PPP1R21: variants seen among roughly 807,000 people sequenced by gnomAD.
PPP1R21 encodes the protein KLRAQ motif containing 1.
In PPP1R21, 85 loss-of-function variants were observed where a neutral mutation model predicts 112.8. The ratio of observed to expected loss-of-function variants is 0.75; its 90% CI spans 0.63 to 0.90. The LOEUF (loss-of-function observed/expected upper bound fraction) is 0.90, where lower values mean the gene tolerates loss of function less well. PPP1R21 is among the 40% of genes least tolerant of loss of function. The pLI, the probability that PPP1R21 is intolerant of heterozygous loss-of-function variation, is 0.00. For synonymous variants in PPP1R21, 381 were observed against 322.3 expected (o/e 1.18, Z -1.95); for missense variants, 1,199 against 901.5 (o/e 1.33, Z -4.23).
intron 19 of PPP1R21, among the ~76,000 whole-genome samples, chr2:48,509,558 A>C (rs1173221444): frequency 6.6e-6 from 1 of 151,766 alleles, no homozygotes; most frequent in African/African-American, 2.4e-5. Context: ...TACAAAACTT[A>C]GCTGGGTGTG....
chr2:48,488,861 C>T (rs1021713042), intron 14 of PPP1R21, among the ~76,000 whole-genome samples: 1 of 152,000 alleles, frequency 6.6e-6, no homozygotes, highest in Non-Finnish European at 1.5e-5. Context: ...GTAGTATATT[C>T]ATATTAAAGA....
At chr2:48,441,112 C>G (rs886326383) in intron 1 of PPP1R21, 102 bp downstream of exon 1, 2 of 793,484 alleles carry the variant, frequency 2.5e-6, no homozygotes, top group African/African-American at 1.7e-5. Context: ...GAGGGGCACG[C>G]GAGCGCGCCC....
intron 2 of PPP1R21, among the ~76,000 whole-genome samples, chr2:48,452,324 A>G (rs939904579): frequency 6.6e-6 from 1 of 152,148 alleles, no homozygotes; most frequent in Non-Finnish European, 1.5e-5. Context: ...CATACCAGGC[A>G]TTGTGCTAAG....
At chr2:48,475,209 C>T (rs1390915775) in intron 12 of PPP1R21, among the ~76,000 whole-genome samples, 2 of 151,938 alleles carry the variant, frequency 1.3e-5, no homozygotes, top group East Asian at 3.9e-4. Context: ...AAAAATTATC[C>T]AGATGTGGCA....
intron 12 of PPP1R21, among the ~76,000 whole-genome samples, chr2:48,477,791 T>C (rs758249548): frequency 6.6e-6 from 1 of 152,122 alleles, no homozygotes; most frequent in Non-Finnish European, 1.5e-5. Context: ...AGGGATTGCA[T>C]TGAACTTGTA....
intron 13 of PPP1R21, among the ~76,000 whole-genome samples, chr2:48,483,235 C>T (rs1205158496): frequency 9.1e-6 from 1 of 109,388 alleles, no homozygotes; most frequent in African/African-American, 3.5e-5. Flanking sequence ...AAGTCTCACT[C>T]TGTCACCCAG....
At chr2:48,463,462 A>G (rs1310000916) in intron 7 of PPP1R21, among the ~76,000 whole-genome samples, 1 of 152,154 alleles carries the variant, frequency 6.6e-6, no homozygotes, top group African/African-American at 2.4e-5. Flanking sequence ...GTAGGTGGAC[A>G]CTAGATTGCC....
chr2:48,480,040 G>A (rs746930833), intron 13 of PPP1R21, 24 bp downstream of exon 13: 10 of 1,496,590 alleles, frequency 6.7e-6, no homozygotes, highest in South Asian at 1.1e-5. Context: ...AAGAACGTAA[G>A]CTTAAAACCT....
In PPP1R21 at chr2:48,486,298, C is replaced by G. The variant is rs1429741351; in HGVS notation, c.1319-333C>G. ...TTCTCCTCAATGCCTGTTACACTATCAAAACAGTGGTTTTTAACTGGTAAA... is the reference window on the plus strand; with the variant it reads ...TTCTCCTCAATGCCTGTTACACTATGAAAACAGTGGTTTTTAACTGGTAAA... On this transcript the variant is annotated intron_variant, in intron 13 of 21. Coordinates refer to ENST00000294952, the MANE Select transcript of PPP1R21 (RefSeq NM_001135629.3). 2.0e-5 allele frequency among the ~76,000 whole-genome samples: 3 copies of G among 152,204 alleles called. No individual in the cohort carries two copies. In the East Asian group the frequency reaches 5.8e-4, roughly 29 times the overall value.
chr2:48,486,780 T>C (rs765084663), intron 14 of PPP1R21, 22 bp downstream of exon 14: 7 of 1,603,990 alleles, frequency 4.4e-6, no homozygotes, highest in South Asian at 1.1e-5. Context: ...CTGGCGTATA[T>C]TGATGTTAAA....
chr2:48,464,750 G>A (rs1668124386), intron 7 of PPP1R21, among the ~76,000 whole-genome samples, 187 bp from the exon 8 acceptor site: 1 of 152,126 alleles, frequency 6.6e-6, no homozygotes, highest in Non-Finnish European at 1.5e-5. Flanking sequence ...GTTAAAAAAA[G>A]ATGGGAAGTA....
At chr2:48,460,847 A>G (rs1334479494) in intron 6 of PPP1R21, among the ~76,000 whole-genome samples, 1 of 152,192 alleles carries the variant, frequency 6.6e-6, no homozygotes, top group African/African-American at 2.4e-5. Context: ...GGGAAATATT[A>G]TTTCTAAGAT....
intron 17 of PPP1R21, among the ~76,000 whole-genome samples, chr2:48,505,208 C>G (rs1438536188): frequency 6.6e-6 from 1 of 152,214 alleles, no homozygotes; most frequent in African/African-American, 2.4e-5. Flanking sequence ...GTAAAAACGT[C>G]TTTACCCCTT....
intron 18 of PPP1R21, 154 bp from the exon 19 acceptor site, chr2:48,507,115 T>C: frequency 9.4e-7 from 1 of 1,062,572 alleles, no homozygotes; most frequent in Non-Finnish European, 1.3e-6. Context: ...TTCCCTGCTA[T>C]GTCTGAAGTT....
chr2:48,443,089 T>C (rs1226245076), intron 1 of PPP1R21, among the ~76,000 whole-genome samples: 1 of 152,188 alleles, frequency 6.6e-6, no homozygotes, highest in Non-Finnish European at 1.5e-5. Context: ...TCAGGAATTA[T>C]GGTTAAAAAA....
chr2:48,458,067 C>T (rs1667802355), intron 3 of PPP1R21, 59 bp from the exon 4 acceptor site: 1 of 1,087,710 alleles, frequency 9.2e-7, no homozygotes, highest in East Asian at 2.4e-5. Context: ...ATCTGTGTAC[C>T]TTAGGATGTT....
chr2:48,445,493 C>G (rs964666718), intron 1 of PPP1R21, among the ~76,000 whole-genome samples: 1 of 152,188 alleles, frequency 6.6e-6, no homozygotes, highest in Non-Finnish European at 1.5e-5. Context: ...CCTTGTTAAA[C>G]TGCTGATTCT....
At position 48,467,614 on chromosome 2, in the gene PPP1R21, G is replaced by A. The variant is rs572320706; in HGVS notation, c.897+1972G>A. On this transcript the variant is annotated intron_variant, in intron 9 of 21. Coordinates refer to ENST00000294952, the MANE Select transcript of PPP1R21 (RefSeq NM_001135629.3). ...TCAGTTTCTTATTGCCTGGCTCTTT[G>A]AGTGTCCTCATAAATGGCAGCTAAC... 3.9e-5 allele frequency among the ~76,000 whole-genome samples: 6 copies of A among 152,318 alleles called. No homozygotes were observed. The South Asian group carries it at 1.2e-3, about 32-fold the overall frequency.
At position 48,505,597 on chromosome 2, in the gene PPP1R21, G is replaced by A; in HGVS notation, c.1968+1G>A. ...TTTAACCAGGACATCTGACAGTGAG[G>A]TAACATGTGCTTGTCATCATGTTGT... On this transcript the variant is annotated splice_donor_variant, in intron 18 of 21. Coordinates refer to ENST00000294952, the MANE Select transcript of PPP1R21 (RefSeq NM_001135629.3). LOFTEE classifies it high-confidence loss of function. The A allele has an allele frequency of 1.3e-6, 2 of 1,549,788 alleles. No individual in the cohort carries two copies.
Sources: gnomAD v4.1 joint callset for allele counts (sites outside exome capture counted in the v4.1 genomes callset) on GRCh38, gnomAD v4.1.1 for gene constraint, MANE v1.5 for transcripts, NCBI Gene and HGNC (gene_info 2026-07-23, HGNC 2026-07-21) for gene names.